DNAJC5B: variants seen among roughly 807,000 people sequenced by gnomAD.
DNAJC5B encodes the protein dnaJ homolog subfamily C member 5B.
Under a neutral mutation model 24.7 loss-of-function variants are expected in DNAJC5B, and 23 were observed. That is an observed-to-expected ratio of 0.93 (90% confidence interval 0.67 to 1.32). The LOEUF (loss-of-function observed/expected upper bound fraction) is 1.32. Ranked by LOEUF, DNAJC5B falls within the 40% of genes most tolerant of loss-of-function variation. The pLI, the probability that DNAJC5B is intolerant of heterozygous loss-of-function variation, is 0.00. For synonymous variants in DNAJC5B, 101 were observed against 90.1 expected (o/e 1.12, Z -0.68); for missense variants, 238 against 240.8 (o/e 0.99, Z 0.08).
At chr8:66,095,647 T>C (rs1807934849) in intron 5 of DNAJC5B, among the ~76,000 whole-genome samples, 1 of 137,696 alleles carries the variant, frequency 7.3e-6, no homozygotes, top group Admixed American at 7.5e-5. Context: ...TTATAAGTTA[T>C]ACTTTAGCTT....
At chr8:66,069,233 T>G (rs572084515) in intron 3 of DNAJC5B, among the ~76,000 whole-genome samples, 10 of 151,784 alleles carry the variant, frequency 6.6e-5, no homozygotes, top group Non-Finnish European at 1.5e-4. Context: ...AGAAATTACA[T>G]TAAAAATAAA....
intron 1 of DNAJC5B, among the ~76,000 whole-genome samples, chr8:66,034,514 A>T (rs915651139): frequency 6.6e-6 from 1 of 151,928 alleles, no homozygotes; most frequent in Non-Finnish European, 1.5e-5. Flanking sequence ...AGGCTTGGGG[A>T]GCTCGGAGGT....
intron 1 of DNAJC5B, among the ~76,000 whole-genome samples, chr8:66,022,512 C>T (rs1806157347): frequency 6.6e-6 from 1 of 152,098 alleles, no homozygotes; most frequent in African/African-American, 2.4e-5. Flanking sequence ...GAGTTGATGG[C>T]GATGCTCCCT....
chr8:66,093,272 T>C (rs1169383385), intron 5 of DNAJC5B, among the ~76,000 whole-genome samples: 4 of 152,182 alleles, frequency 2.6e-5, no homozygotes, highest in Non-Finnish European at 5.9e-5. Flanking sequence ...TGCAATTACT[T>C]AGTCAAAGGA....
At chr8:66,091,217 A>G (rs1205383485) in intron 5 of DNAJC5B, among the ~76,000 whole-genome samples, 2 of 152,194 alleles carry the variant, frequency 1.3e-5, no homozygotes, top group East Asian at 3.8e-4. Context: ...GAAGGGGAGA[A>G]GGGAAGACAA....
At chr8:66,024,508 G>T (rs1806213533) in intron 1 of DNAJC5B, among the ~76,000 whole-genome samples, 1 of 121,958 alleles carries the variant, frequency 8.2e-6, no homozygotes, top group African/African-American at 3.7e-5. Flanking sequence ...CATGTGCCAC[G>T]CTGGTGCGCT....
Position 66,094,004 on chromosome 8 carries a change from A to C in DNAJC5B, c.506-5933A>C, listed in dbSNP as rs140893993. Among the ~76,000 whole-genome samples, 484 of 152,250 alleles carry C rather than the reference A, an allele frequency of 3.2e-3. 2 individuals carry two copies. Among genetic ancestry groups the C allele is most frequent in the African/African-American group, 0.011 (461 of 41,556 alleles). On this transcript the variant is annotated intron_variant, in intron 5 of 5. Transcript: ENST00000276570. ...GTTTTGATAAACATTAAGTTTCAATAGATATATGGAGCAGTTTCTGGGCTT... is the reference window on the plus strand; with the variant it reads ...GTTTTGATAAACATTAAGTTTCAATCGATATATGGAGCAGTTTCTGGGCTT...
In DNAJC5B at chr8:66,100,496, A is replaced by C. The variant is rs1281891297; in HGVS notation, c.*465A>C. On this transcript the variant is annotated 3_prime_UTR_variant, in exon 6 of 6. Coordinates refer to ENST00000276570, the MANE Select transcript of DNAJC5B (RefSeq NM_033105.6). Reference sequence around the variant, plus strand: ...AGCCTCTTCCGTGTCAATATTCAATAAAGTTATAGAAATGTTTCAAGAGCC... The same window carrying C: ...AGCCTCTTCCGTGTCAATATTCAATCAAGTTATAGAAATGTTTCAAGAGCC... 1 of 152,334 alleles carries C rather than the reference A, an allele frequency of 6.6e-6. No individual in the cohort carries two copies. Among genetic ancestry groups the C allele is most frequent in the Non-Finnish European group, 1.5e-5 (1 of 68,116 alleles). 9.4% of individuals were successfully genotyped at this position (152,334 alleles called of 1,614,324 possible).
At chr8:66,088,198 A>G (rs1807770254) in intron 5 of DNAJC5B, among the ~76,000 whole-genome samples, 2 of 152,102 alleles carry the variant, frequency 1.3e-5, no homozygotes, top group African/African-American at 4.8e-5. Context: ...GATTTGAGGC[A>G]CCCTCTGAAG....
At chr8:66,024,404 CTTTTT>C (rs989285742) in intron 1 of DNAJC5B, among the ~76,000 whole-genome samples, 1 of 109,394 alleles carries the variant, frequency 9.1e-6, no homozygotes, top group Admixed American at 9.3e-5. Flanking sequence ...TTTCAGGATT[CTTTTT>C]TTTTTTTTTT....
rs2128967940 is a variant in DNAJC5B at position 66,100,834 on chromosome 8, G to A, written c.*803G>A. Reference sequence around the variant, plus strand: ...TGAAGGGGTAGAACTCTATACTCTAGAGCCTAAATTTACACCAAAACATGT... The same window carrying A: ...TGAAGGGGTAGAACTCTATACTCTAAAGCCTAAATTTACACCAAAACATGT... On this transcript the variant is annotated 3_prime_UTR_variant, in exon 6 of 6. Transcript: ENST00000276570. Among the ~76,000 whole-genome samples the A allele has an allele frequency of 6.6e-6, 1 of 152,204 alleles. No individual in the cohort carries two copies. The highest frequency in any genetic ancestry group is 2.4e-5 in the African/African-American group (1 of 41,526).
chr8:66,062,900 T>C (rs1196325055), intron 3 of DNAJC5B, among the ~76,000 whole-genome samples: 1 of 152,142 alleles, frequency 6.6e-6, no homozygotes, highest in Non-Finnish European at 1.5e-5. Flanking sequence ...GTCCTGGCTA[T>C]TTGGGAGGCT....
intron 3 of DNAJC5B, among the ~76,000 whole-genome samples, chr8:66,067,750 G>T (rs758296732): frequency 1.3e-5 from 2 of 152,114 alleles, no homozygotes; most frequent in Non-Finnish European, 2.9e-5. Context: ...ACCACAGCCA[G>T]CACCAACTTA....
At chr8:66,041,029 A>ACT (rs10642965) in intron 1 of DNAJC5B, among the ~76,000 whole-genome samples, 1 of 151,746 alleles carries the variant, frequency 6.6e-6, no homozygotes, top group Admixed American at 6.6e-5. Flanking sequence ...CATCTTAGAT[A>ACT]GAGTGGTAGT....
At chr8:66,092,263 A>C (rs570699783) in intron 5 of DNAJC5B, among the ~76,000 whole-genome samples, 1 of 152,326 alleles carries the variant, frequency 6.6e-6, no homozygotes, top group South Asian at 2.1e-4. Flanking sequence ...TCCTTCAGAA[A>C]AGGAGAGTCC....
intron 5 of DNAJC5B, among the ~76,000 whole-genome samples, chr8:66,089,802 G>A (rs1807807228): frequency 6.6e-6 from 1 of 152,118 alleles, no homozygotes; most frequent in African/African-American, 2.4e-5. Context: ...TCAAACAGTG[G>A]CATCTTCAGT....
rs74769527 is a variant in DNAJC5B, at chr8:66,067,935, A to G, written c.120-8725A>G. Among the ~76,000 whole-genome samples the G allele has an allele frequency of 3.2e-4, 49 of 152,342 alleles. No individual in the cohort carries two copies. In the East Asian group the frequency reaches 9.4e-3, roughly 29 times the overall value. Reference sequence around the variant, plus strand: ...AGTTCCTAAACTTTAAACTTTATGTAGCTTGTTACAGAGAAATAAATAATA... The same window carrying G: ...AGTTCCTAAACTTTAAACTTTATGTGGCTTGTTACAGAGAAATAAATAATA... On this transcript the variant is annotated intron_variant, in intron 3 of 5. Coordinates refer to ENST00000276570, the MANE Select transcript of DNAJC5B (RefSeq NM_033105.6).
intron 2 of DNAJC5B, among the ~76,000 whole-genome samples, chr8:66,050,364 T>C (rs938866320): frequency 1.3e-5 from 2 of 152,164 alleles, no homozygotes; most frequent in Non-Finnish European, 2.9e-5. Context: ...GAAGGGTTGA[T>C]AGACAAGCTG....
intron 3 of DNAJC5B, among the ~76,000 whole-genome samples, chr8:66,058,829 C>T (rs902391910): frequency 2.0e-5 from 3 of 152,182 alleles, no homozygotes; most frequent in Non-Finnish European, 4.4e-5. Context: ...AAGAGGAAGG[C>T]TTTTACTGTG....
Sources: gnomAD v4.1 joint callset for allele counts (sites outside exome capture counted in the v4.1 genomes callset) on GRCh38, gnomAD v4.1.1 for gene constraint, MANE v1.5 for transcripts, NCBI Gene and HGNC (gene_info 2026-07-23, HGNC 2026-07-21) for gene names.